The following NDST4 variants were observed in gnomAD, a reference collection of about 807,000 sequenced individuals.
NDST4 encodes N-heparan sulfate sulfotransferase 4.
A neutral mutation model predicts 100.8 loss-of-function variants in NDST4; 63 were observed. The ratio of observed to expected loss-of-function variants is 0.62; its 90% CI spans 0.51 to 0.77. The LOEUF is 0.77. Among genes scored for constraint, NDST4 ranks in the 30% least tolerant of loss-of-function variants. NDST4 has a pLI of 0.00. For missense variants in NDST4, 943 were observed against 1,018.4 expected (o/e 0.93, Z 1.01); for synonymous variants, 377 against 361.8 (o/e 1.04, Z -0.48).
intron 2 of NDST4, among the ~76,000 whole-genome samples, chr4:115,022,365 TGTGTTCCATGTAC>T (rs1292622578): frequency 6.8e-6 from 1 of 148,042 alleles, no homozygotes; most frequent in African/African-American, 2.6e-5. Context: ...CACGTACATA[TGTGTTCCATGTAC>T]ATATGTGTTC....
Position 114,937,356 on chromosome 4 carries a change from C to A in NDST4, c.1369G>T (p.Ala457Ser), listed in dbSNP as rs760451529. 1.2e-6 allele frequency: 2 copies of A among 1,614,162 alleles called. No homozygotes were observed. Among genetic ancestry groups the A allele is most frequent in the South Asian group, 1.1e-5 (1 of 91,080 alleles). ...STEEYPHLKP[A>S]RYRKGFIHNS... ...TGAATGAAGCCCTTTCTGTACCGGGCAGGTTTCAGATGTGGATATTCTTCA... is the reference window on the plus strand; with the variant it reads ...TGAATGAAGCCCTTTCTGTACCGGGAAGGTTTCAGATGTGGATATTCTTCA... Residue 457 changes from alanine (A) to serine (S), a missense_variant, in exon 5 of 14, where the codon GCC becomes TCC. Around this residue, in one of 2 missense-constraint regions of NDST4, gnomAD observed 526 missense variants for 634.1 expected, o/e 0.83. Transcript: ENST00000264363.
At chr4:115,085,832 T>C (rs569334394) in intron 1 of NDST4, among the ~76,000 whole-genome samples, 1 of 152,318 alleles carries the variant, frequency 6.6e-6, no homozygotes, top group South Asian at 2.1e-4. Context: ...AGAGATGCAG[T>C]ATTTTTCAAA....
At chr4:114,921,701 A>T (rs956818046) in intron 6 of NDST4, among the ~76,000 whole-genome samples, 1 of 152,178 alleles carries the variant, frequency 6.6e-6, no homozygotes, top group African/African-American at 2.4e-5. Flanking sequence ...ATTCTTCGCT[A>T]TTTAGTAAAC....
At chr4:115,060,058 T>C (rs1728785907) in intron 2 of NDST4, among the ~76,000 whole-genome samples, 1 of 152,018 alleles carries the variant, frequency 6.6e-6, no homozygotes, top group Non-Finnish European at 1.5e-5. Flanking sequence ...CAAGCCTTCA[T>C]TGTTTATATC....
chr4:114,980,972 G>A (rs929188944), intron 2 of NDST4, among the ~76,000 whole-genome samples: 2 of 151,984 alleles, frequency 1.3e-5, no homozygotes, highest in Admixed American at 1.3e-4. Flanking sequence ...TAGCACTTTG[G>A]GAAGCTGAGC....
At chr4:114,958,858 C>T (rs542682590) in intron 4 of NDST4, among the ~76,000 whole-genome samples, 1 of 152,270 alleles carries the variant, frequency 6.6e-6, no homozygotes, top group East Asian at 1.9e-4. Flanking sequence ...TGCTCTGCTT[C>T]CCTTTTAAAT....
intron 2 of NDST4, among the ~76,000 whole-genome samples, chr4:114,989,379 T>A (rs2119663): frequency 0.45 from 68,065 of 152,016 alleles, 16,776 homozygotes; most frequent in Non-Finnish European, 0.58. Flanking sequence ...TAACTTTAAG[T>A]GAACTATGTT....
chr4:114,883,211 T>A (rs1724408077), intron 6 of NDST4, among the ~76,000 whole-genome samples: 1 of 152,026 alleles, frequency 6.6e-6, no homozygotes, highest in Non-Finnish European at 1.5e-5. Flanking sequence ...TTTTAATTAA[T>A]CTAAAAGATA....
At chr4:114,943,584 T>C (rs917332879) in intron 4 of NDST4, among the ~76,000 whole-genome samples, 1 of 152,186 alleles carries the variant, frequency 6.6e-6, no homozygotes, top group Non-Finnish European at 1.5e-5. Context: ...TCTCTGCCAA[T>C]AGAACTTAAT....
chr4:114,988,943 T>C (rs1239511930), intron 2 of NDST4, among the ~76,000 whole-genome samples: 1 of 152,220 alleles, frequency 6.6e-6, no homozygotes, highest in African/African-American at 2.4e-5. Flanking sequence ...TATTTTAAGA[T>C]GGATTTTTCT....
At chr4:115,013,059 G>T (rs1288460722) in intron 2 of NDST4, among the ~76,000 whole-genome samples, 1 of 149,662 alleles carries the variant, frequency 6.7e-6, no homozygotes, top group Non-Finnish European at 1.5e-5. Flanking sequence ...GTGTTAGGAG[G>T]GGGTACTGGG....
At chr4:114,836,496 G>T (rs1723307990) in intron 11 of NDST4, among the ~76,000 whole-genome samples, 1 of 152,182 alleles carries the variant, frequency 6.6e-6, no homozygotes, top group Non-Finnish European at 1.5e-5. Context: ...CTGTTAGTCT[G>T]ATGGACTTCC....
rs573364216 is a variant in NDST4, at chr4:114,830,034, T to C, written c.2397-142A>G. 99 of 645,070 alleles carry C rather than the reference T, an allele frequency of 1.5e-4. 2 individuals are homozygous for C. The highest frequency in any genetic ancestry group is 1.0e-3 in the South Asian group (53 of 52,434). The allele number at this position is 645,070 out of a possible 1,614,324, so 40.0% of individuals were successfully genotyped here. ...TTTTTACAGATATTTATTTAGCTGA[T>C]TTGAGAGAGGCTAACTGAGATGAAA... On this transcript the variant is annotated intron_variant, in intron 12 of 13. Transcript: ENST00000264363.
chr4:115,064,144 T>C (rs1282361920), intron 2 of NDST4, among the ~76,000 whole-genome samples: 1 of 152,042 alleles, frequency 6.6e-6, no homozygotes, highest in Non-Finnish European at 1.5e-5. Flanking sequence ...CAGAAAATCT[T>C]CACATTGTCA....
intron 6 of NDST4, among the ~76,000 whole-genome samples, chr4:114,900,543 A>G (rs1462962090): frequency 6.6e-6 from 1 of 152,150 alleles, no homozygotes; most frequent in East Asian, 1.9e-4. Flanking sequence ...AGATATGCTT[A>G]GATACACAAA....
chr4:114,908,613 A>T (rs1170542477), intron 6 of NDST4, among the ~76,000 whole-genome samples: 1 of 152,162 alleles, frequency 6.6e-6, no homozygotes, highest in Non-Finnish European at 1.5e-5. Flanking sequence ...GGTGGTTTGA[A>T]TTATGAATTA....
At chr4:115,003,955 A>G (rs899014977) in intron 2 of NDST4, among the ~76,000 whole-genome samples, 10 of 152,124 alleles carry the variant, frequency 6.6e-5, no homozygotes, top group Non-Finnish European at 1.2e-4. Context: ...TCCCCTTCTT[A>G]CAGTCAATAA....
At chr4:114,977,946 G>T (rs540552793) in intron 2 of NDST4, among the ~76,000 whole-genome samples, 3 of 152,030 alleles carry the variant, frequency 2.0e-5, no homozygotes, top group African/African-American at 7.2e-5. Context: ...CTATGTGAAA[G>T]TCTGGTTTGT....
intron 3 of NDST4, among the ~76,000 whole-genome samples, chr4:114,975,340 G>T (rs1365319291): frequency 6.6e-6 from 1 of 152,042 alleles, no homozygotes; most frequent in East Asian, 1.9e-4. Context: ...TATAAATATT[G>T]CTTATTCTCT....
Sources: gnomAD v4.1 joint callset for allele counts (sites outside exome capture counted in the v4.1 genomes callset) on GRCh38, gnomAD v4.1.1 for gene constraint, gnomAD v4.1.1 regional missense constraint, MANE v1.5 for transcripts, NCBI Gene and HGNC (gene_info 2026-07-23, HGNC 2026-07-21) for gene names.